MDM4: variants seen among roughly 807,000 people sequenced by gnomAD.
MDM4 encodes protein Mdm4.
Under a neutral mutation model 60.2 loss-of-function variants are expected in MDM4, and 2 were observed. The observed-to-expected ratio is 0.03, with a 90% CI of 0.01 to 0.10. The LOEUF is 0.10. Ranked by LOEUF, MDM4 falls within the 10% of genes least tolerant of loss-of-function variation. The pLI, the probability that MDM4 is intolerant of heterozygous loss-of-function variation, is 1.00. For synonymous variants in MDM4, 202 were observed against 198.1 expected, an observed-to-expected ratio of 1.02 and a Z score of -0.17; for missense variants, 447 against 577.5, an observed-to-expected ratio of 0.77 and a Z score of 2.32.
chr1:204,526,292 C>T (rs1660140617), intron 2 of MDM4, 68 bp from the exon 3 acceptor site: 1 of 1,367,006 alleles, frequency 7.3e-7, no homozygotes, highest in Non-Finnish European at 1.0e-6. Context: ...TAAAGAGGTT[C>T]TCTTGTTCCA....
Position 204,556,781 on chromosome 1 carries a change from G to A in MDM4, c.*7099G>A, listed in dbSNP as rs564454323. 6 of 213,758 alleles carry A rather than the reference G, an allele frequency of 2.8e-5. No individual in the cohort carries two copies. Among genetic ancestry groups the A allele is most frequent in the Non-Finnish European group, 4.7e-5 (5 of 105,860 alleles). The allele number at this position is 213,758 out of a possible 1,614,324, so 13.2% of individuals were successfully genotyped here. A position where few individuals can be genotyped will look rare whatever the true frequency, so the allele number is the denominator to read the frequency against. On this transcript the variant is annotated 3_prime_UTR_variant, in exon 11 of 11. Transcript: ENST00000367182. ...TTTCACTTTCTTTTCAATGAGAATC[G>A]AAGTGTTTCTTTTGGGTTTTTTTTT...
rs1191271896 is a variant in MDM4 at position 204,552,933 on chromosome 1, T to C, written c.*3251T>C. On this transcript the variant is annotated 3_prime_UTR_variant, in exon 11 of 11. Coordinates refer to ENST00000367182, the MANE Select transcript of MDM4 (RefSeq NM_002393.5). Reference sequence around the variant, plus strand: ...TCTTGTCGCCCAGGCTGGAGTGCAGTGGAGTGATCTCGGCTCACTGCAACC... The same window carrying C: ...TCTTGTCGCCCAGGCTGGAGTGCAGCGGAGTGATCTCGGCTCACTGCAACC... 1 of 163,054 alleles carries C rather than the reference T, an allele frequency of 6.1e-6. No individual in the cohort carries two copies. The highest frequency in any genetic ancestry group is 2.4e-5 in the African/African-American group (1 of 41,246). 10.1% of individuals were successfully genotyped at this position (163,054 alleles called of 1,614,324 possible).
intron 5 of MDM4, chr1:204,532,694 T>G: frequency 2.7e-6 from 4 of 1,494,832 alleles, no homozygotes; most frequent in Non-Finnish European, 3.6e-6. Flanking sequence ...TGCCTTTGGT[T>G]GATATGTCTC....
intron 9 of MDM4, among the ~76,000 whole-genome samples, chr1:204,546,011 A>T (rs917579106): frequency 2.0e-5 from 3 of 151,982 alleles, no homozygotes; most frequent in Admixed American, 6.6e-5. Context: ...TTTGAAACGG[A>T]CTTTTTTTGT....
intron 5 of MDM4, among the ~76,000 whole-genome samples, chr1:204,534,907 T>C (rs1661242112): frequency 6.6e-6 from 1 of 152,170 alleles, no homozygotes; most frequent in African/African-American, 2.4e-5. Flanking sequence ...GGTAACATCT[T>C]ACATAATAAT....
chr1:204,545,933 A>G (rs1476118006), intron 9 of MDM4, among the ~76,000 whole-genome samples: 1 of 152,096 alleles, frequency 6.6e-6, no homozygotes, highest in Non-Finnish European at 1.5e-5. Flanking sequence ...TATTCTTTTT[A>G]TTGGACCACA....
At position 204,549,341 on chromosome 1, in the gene MDM4, A is replaced by T. The variant is rs201482788; in HGVS notation, c.1132A>T (p.Ile378Leu). Residue 378 changes from isoleucine to leucine, a missense_variant, in exon 11 of 11, where the codon ATA becomes TTA. Ile to Leu is a conservative substitution (Grantham distance 5, BLOSUM62 2). Around this residue, in one of 8 missense-constraint regions of MDM4, gnomAD observed 117 missense variants for 114.5 expected, o/e 1.02. Transcript: ENST00000367182. ...APVVRPKDAY[I>L]KKENSKLFDP... ...TGTCGTTAGACCTAAAGATGCGTAT[A>T]TAAAGAAAGAAAACTCCAAACTTTT... 1 of 1,614,226 alleles carries T rather than the reference A, an allele frequency of 6.2e-7. No individual in the cohort carries two copies. The highest frequency in any genetic ancestry group is 8.5e-7 in the Non-Finnish European group (1 of 1,180,028).
intron 7 of MDM4, among the ~76,000 whole-genome samples, chr1:204,539,196 G>A (rs763280011): frequency 7.9e-5 from 12 of 152,012 alleles, no homozygotes; most frequent in Non-Finnish European, 1.6e-4. Flanking sequence ...ATGTTGGCCA[G>A]GCTGGTCTCG....
At position 204,550,650 on chromosome 1, in the gene MDM4, A is replaced by G. The variant is rs1022285198; in HGVS notation, c.*968A>G. On this transcript the variant is annotated 3_prime_UTR_variant, in exon 11 of 11. Coordinates refer to ENST00000367182, the MANE Select transcript of MDM4 (RefSeq NM_002393.5). ...AAACACGGCCCACCTCCTGGGCTCA[A>G]GTGATCCTCCAGCCTCAGCTTCCCT... The G allele has an allele frequency of 1.1e-5, 2 of 177,554 alleles. No individual in the cohort carries two copies. The highest frequency in any genetic ancestry group is 1.9e-4 in the East Asian group (2 of 10,604). The allele number at this position is 177,554 out of a possible 1,614,324, so 11.0% of individuals were successfully genotyped here. A position where few individuals can be genotyped will look rare whatever the true frequency, so the allele number is the denominator to read the frequency against.
intron 3 of MDM4, chr1:204,529,789 G>A: frequency 3.0e-6 from 1 of 329,326 alleles, no homozygotes; most frequent in Non-Finnish European, 5.6e-6. Flanking sequence ...CCTTCATTTA[G>A]CATGGCAGAG....
At chr1:204,519,127 C>G (rs1027384806) in intron 1 of MDM4, among the ~76,000 whole-genome samples, 1 of 152,136 alleles carries the variant, frequency 6.6e-6, no homozygotes, top group Non-Finnish European at 1.5e-5. Flanking sequence ...GCTCAAGATA[C>G]GACTAAACAG....
chr1:204,551,637 C>T lies in MDM4; in HGVS notation c.*1955C>T, dbSNP rs1663217007. The T allele has an allele frequency of 4.3e-6, 1 of 231,648 alleles. No homozygotes were observed. The highest frequency in any genetic ancestry group is 8.5e-6 in the Non-Finnish European group (1 of 117,312). 14.3% of individuals were successfully genotyped at this position (231,648 alleles called of 1,614,324 possible). On this transcript the variant is annotated 3_prime_UTR_variant, in exon 11 of 11. Transcript: ENST00000367182. Reference sequence around the variant, plus strand: ...GTTTCCATAGAGCTATGCATGTATCCTTACCCCCATGGGAAAATGTTGGTG... The same window carrying T: ...GTTTCCATAGAGCTATGCATGTATCTTTACCCCCATGGGAAAATGTTGGTG...
intron 1 of MDM4, among the ~76,000 whole-genome samples, chr1:204,524,775 A>AAAAT (rs998555335): frequency 2.6e-5 from 4 of 152,256 alleles, no homozygotes; most frequent in Non-Finnish European, 4.4e-5. Context: ...ACTGTGTCTC[A>AAAAT]AAATAAATAA....
At position 204,532,238 on chromosome 1, in the gene MDM4, C is replaced by A; in HGVS notation, c.335C>A (p.Ala112Asp). The change falls in exon 5 of 11, where the codon GCT becomes GAT. Residue 112 changes from alanine (A) to aspartate (D), a missense_variant. Transcript: ENST00000367182. ...AAGAATCTTGTCACTTTAGCCACTG[C>A]TACTACAGGTATGTCACATCATATT... ...LRKNLVTLAT[A>D]TTDAAQTLAL... 2 of 1,591,450 alleles carry A rather than the reference C, an allele frequency of 1.3e-6. No homozygotes were observed. Among genetic ancestry groups the A allele is most frequent in the Non-Finnish European group, 1.7e-6 (2 of 1,160,106 alleles).
rs71147703 is a variant in MDM4 at position 204,552,872 on chromosome 1, C to CT, written c.*3206dup. The stretch of plus-strand genomic sequence containing the variant: ...AACTTTAAACTATTTCTTTTCTTTT[C>CT]TTTTTTTTTTTTTTTTACTTGAGAT... On this transcript the variant is annotated 3_prime_UTR_variant, in exon 11 of 11. Coordinates refer to ENST00000367182, the MANE Select transcript of MDM4 (RefSeq NM_002393.5). 8,434 of 133,916 alleles carry CT rather than the reference C, an allele frequency of 0.063. 261 individuals are homozygous for CT. The highest frequency in any genetic ancestry group is 0.12 in the South Asian group (480 of 4,090). 8.3% of individuals were successfully genotyped at this position (133,916 alleles called of 1,614,324 possible). A position where few individuals can be genotyped will look rare whatever the true frequency, so the allele number is the denominator to read the frequency against.
intron 7 of MDM4, among the ~76,000 whole-genome samples, chr1:204,541,143 A>G (rs1558329086): frequency 6.6e-6 from 1 of 152,278 alleles, no homozygotes; most frequent in East Asian, 1.9e-4. Context: ...TTTAAGATAT[A>G]TAAGAACATG....
chr1:204,529,606 G>T (rs188867238), intron 3 of MDM4: 3 of 1,263,494 alleles, frequency 2.4e-6, no homozygotes, highest in East Asian at 2.5e-5. Context: ...CCACTACTGG[G>T]GGGGGTCCAA....
At chr1:204,541,382 A>G (rs1235893436) in intron 7 of MDM4, among the ~76,000 whole-genome samples, 1 of 152,142 alleles carries the variant, frequency 6.6e-6, no homozygotes, top group African/African-American at 2.4e-5. Flanking sequence ...TGGAAGGATC[A>G]CTTGAGCCCA....
intron 5 of MDM4, among the ~76,000 whole-genome samples, chr1:204,535,467 G>T (rs1661309954): frequency 6.6e-6 from 1 of 151,522 alleles, no homozygotes; most frequent in African/African-American, 2.4e-5. Context: ...TAAAATGGTA[G>T]TTCTTTCTAA....
Sources: gnomAD v4.1 joint callset for allele counts (sites outside exome capture counted in the v4.1 genomes callset) on GRCh38, gnomAD v4.1.1 for gene constraint, gnomAD v4.1.1 regional missense constraint, MANE v1.5 for transcripts, NCBI Gene and HGNC (gene_info 2026-07-23, HGNC 2026-07-21) for gene names.